The following NR3C2 variants were observed in gnomAD, a reference collection of about 807,000 sequenced individuals.
The protein encoded by NR3C2 is mineralocorticoid receptor.
A neutral mutation model predicts 86.4 loss-of-function variants in NR3C2; 15 were observed. The observed-to-expected ratio is 0.17, with a 90% CI of 0.12 to 0.27. NR3C2 has a LOEUF of 0.27. Among genes scored for constraint, NR3C2 ranks in the 10% least tolerant of loss-of-function variants. NR3C2 has a pLI of 1.00. For synonymous variants in NR3C2, 458 were observed against 450.5 expected, an observed-to-expected ratio of 1.02 and a Z score of -0.21; for missense variants, 960 against 1,195.6, an observed-to-expected ratio of 0.80 and a Z score of 2.91.
At chr4:148,202,708 T>G (rs1464241334) in intron 3 of NR3C2, among the ~76,000 whole-genome samples, 1 of 152,148 alleles carries the variant, frequency 6.6e-6, no homozygotes, top group East Asian at 1.9e-4. Context: ...TCCCTGAGAT[T>G]CAGATCTCAC....
At chr4:148,103,152 G>A (rs1731618039) in intron 8 of NR3C2, among the ~76,000 whole-genome samples, 1 of 152,208 alleles carries the variant, frequency 6.6e-6, no homozygotes, top group Non-Finnish European at 1.5e-5. Context: ...TCGCAGCTAA[G>A]CAGTCTTTTC....
chr4:148,435,621 TTCC>T lies in NR3C2; in HGVS notation c.1237_1239del (p.Gly413del). On this transcript the variant is annotated inframe_deletion, in exon 2 of 9. Coordinates refer to ENST00000358102, the MANE Select transcript of NR3C2 (RefSeq NM_000901.5). ...GAAGAATCCGAATTTATTTTGCTAT[TTCC>T]TCCTAGACATGAGCTGCTAAAAGCT... The T allele has an allele frequency of 6.2e-7, 1 of 1,614,204 alleles. No individual in the cohort carries two copies. Among genetic ancestry groups the T allele is most frequent in the Non-Finnish European group, 8.5e-7 (1 of 1,180,048 alleles).
intron 3 of NR3C2, among the ~76,000 whole-genome samples, chr4:148,210,127 A>C (rs1435226090): frequency 6.6e-6 from 1 of 152,106 alleles, no homozygotes; most frequent in Non-Finnish European, 1.5e-5. Context: ...AATGAGAATA[A>C]AGGTGGGCAG....
chr4:148,124,263 ACC>A (rs1560933641), intron 6 of NR3C2, among the ~76,000 whole-genome samples: 1 of 151,744 alleles, frequency 6.6e-6, no homozygotes, highest in Non-Finnish European at 1.5e-5. Context: ...ACCAAACCAA[ACC>A]AAAGTTCATG....
At chr4:148,216,441 G>T (rs1333213485) in intron 3 of NR3C2, among the ~76,000 whole-genome samples, 1 of 152,126 alleles carries the variant, frequency 6.6e-6, no homozygotes. Flanking sequence ...CACTGAGGCT[G>T]GGAGCAGTGA....
intron 2 of NR3C2, among the ~76,000 whole-genome samples, chr4:148,300,492 G>A (rs1742281925): frequency 6.6e-6 from 1 of 151,950 alleles, no homozygotes; most frequent in Non-Finnish European, 1.5e-5. Context: ...ATATTTAAAA[G>A]GCCTTTATGT....
chr4:148,379,280 A>AATTGAAGT (rs1746838916), intron 2 of NR3C2, among the ~76,000 whole-genome samples: 1 of 152,138 alleles, frequency 6.6e-6, no homozygotes, highest in Non-Finnish European at 1.5e-5. Context: ...GAAATGCTCA[A>AATTGAAGT]ATTGAAGTCG....
intron 2 of NR3C2, among the ~76,000 whole-genome samples, chr4:148,375,587 CTCT>C (rs796770947): frequency 1.6e-4 from 24 of 152,190 alleles, no homozygotes; most frequent in Admixed American, 7.2e-4. Flanking sequence ...TCTGACATCT[CTCT>C]TTTTTGTGAG....
At chr4:148,384,542 C>G (rs112394062) in intron 2 of NR3C2, among the ~76,000 whole-genome samples, 49 of 152,034 alleles carry the variant, frequency 3.2e-4, no homozygotes, top group African/African-American at 1.1e-3. Flanking sequence ...TGGTTTTGAA[C>G]TTAATACTCA....
At chr4:148,235,143 A>G (rs911683160) in intron 3 of NR3C2, among the ~76,000 whole-genome samples, 2 of 152,046 alleles carry the variant, frequency 1.3e-5, no homozygotes, top group African/African-American at 4.8e-5. Context: ...CTTGATTTGT[A>G]AAAAGTGCAT....
intron 4 of NR3C2, among the ~76,000 whole-genome samples, chr4:148,162,008 T>G (rs1406216308): frequency 6.6e-6 from 1 of 152,152 alleles, no homozygotes; most frequent in Non-Finnish European, 1.5e-5. Context: ...TGGTTTGCTT[T>G]TGGTGTGAGG....
intron 2 of NR3C2, among the ~76,000 whole-genome samples, chr4:148,281,659 C>T (rs190358722): frequency 3.7e-4 from 56 of 152,318 alleles, no homozygotes; most frequent in African/African-American, 1.3e-3. Context: ...GGAGATCTAG[C>T]TCAATAACCA....
At chr4:148,234,358 T>C (rs566844450) in intron 3 of NR3C2, among the ~76,000 whole-genome samples, 2 of 152,012 alleles carry the variant, frequency 1.3e-5, no homozygotes, top group Non-Finnish European at 2.9e-5. Flanking sequence ...TCTCCAGTAC[T>C]TATATAACCT....
At chr4:148,221,893 T>TAAA (rs11378484) in intron 3 of NR3C2, among the ~76,000 whole-genome samples, 237 of 122,666 alleles carry the variant, frequency 1.9e-3, no homozygotes, top group African/African-American at 4.8e-3. Flanking sequence ...GACTCTGTCT[T>TAAA]AAAAAAAAAA....
rs73853742 is a variant in NR3C2 at position 148,118,393 on chromosome 4, G to T, written c.2641+1765C>A. Among the ~76,000 whole-genome samples the T allele has an allele frequency of 6.6e-3, 1,007 of 152,148 alleles. 13 individuals are homozygous for T. Among genetic ancestry groups the T allele is most frequent in the African/African-American group, 0.023 (956 of 41,504 alleles). ...GCCTTTTGAAAACTCTCACCTCGTG[G>T]CTTCCAATACCGTACACTCTCCCAG... On this transcript the variant is annotated intron_variant, in intron 7 of 8. Transcript: ENST00000358102.
chr4:148,339,718 GA>G (rs1206433905), intron 2 of NR3C2, among the ~76,000 whole-genome samples: 1 of 152,052 alleles, frequency 6.6e-6, no homozygotes, highest in Non-Finnish European at 1.5e-5. Context: ...AATTAGACAA[GA>G]AAAATAAATA....
chr4:148,351,191 G>A (rs927263637), intron 2 of NR3C2, among the ~76,000 whole-genome samples: 1 of 152,018 alleles, frequency 6.6e-6, no homozygotes, highest in Non-Finnish European at 1.5e-5. Context: ...TCTCACCCAG[G>A]CTAGAGAGCA....
chr4:148,326,240 A>C (rs1385564694), intron 2 of NR3C2, among the ~76,000 whole-genome samples: 2 of 150,506 alleles, frequency 1.3e-5, no homozygotes, highest in African/African-American at 4.9e-5. Flanking sequence ...AATACAAAAA[A>C]AAAAAAAAAA....
chr4:148,089,424 T>G (rs1206767319), intron 8 of NR3C2, among the ~76,000 whole-genome samples: 5 of 152,226 alleles, frequency 3.3e-5, no homozygotes, highest in South Asian at 2.1e-4. Context: ...GAGGAATGAA[T>G]GAGTGACTCA....
Sources: allele counts gnomAD v4.1 joint callset (sites outside exome capture counted in the v4.1 genomes callset), GRCh38; gene constraint gnomAD v4.1.1; transcripts MANE v1.5; gene names NCBI Gene and HGNC (gene_info 2026-07-23, HGNC 2026-07-21).